IRS1: variants seen among roughly 807,000 people sequenced by gnomAD.
IRS1 encodes the protein insulin receptor substrate 1.
IRS1 carries 34 observed loss-of-function variants against 65.6 expected under a neutral mutation model. The ratio of observed to expected loss-of-function variants is 0.52; its 90% CI spans 0.39 to 0.69. The LOEUF (loss-of-function observed/expected upper bound fraction) is 0.69, where lower values mean the gene tolerates loss of function less well. Ranked by LOEUF, IRS1 falls within the 30% of genes least tolerant of loss-of-function variation. The pLI, the probability that IRS1 is intolerant of heterozygous loss-of-function variation, is 0.00. For missense variants in IRS1, 1,641 were observed against 1,720.2 expected (o/e 0.95, Z 0.81); for synonymous variants, 699 against 683.5 (o/e 1.02, Z -0.35).
intron 1 of IRS1, among the ~76,000 whole-genome samples, chr2:226,778,717 C>A (rs1297867433): frequency 6.6e-6 from 1 of 152,202 alleles, no homozygotes; most frequent in Admixed American, 6.5e-5. Context: ...ATGCCCAGTA[C>A]ACATAGGTGG....
In IRS1 at chr2:226,797,289, T is replaced by G; in HGVS notation, c.1450A>C (p.Ile484Leu). Residue 484 changes from isoleucine (I) to leucine (L), a missense_variant, in exon 1 of 2, where the codon ATT becomes CTT. Transcript: ENST00000305123. The surrounding 1 kb of genome is among the most constrained non-coding windows in gnomAD (Gnocchi z 8.1). ...TGGCCATTGCCACCCCGAGACAAAA[T>G]GTAGTGACCGTTGGGGGCGGTCAGG... ...STLTAPNGHY[I>L]LSRGGNGHRC... 1.2e-6 allele frequency: 2 copies of G among 1,613,078 alleles called. No homozygotes were observed. Among genetic ancestry groups the G allele is most frequent in the Non-Finnish European group, 1.7e-6 (2 of 1,179,864 alleles).
At chr2:226,780,196 G>T (rs1161791830) in intron 1 of IRS1, among the ~76,000 whole-genome samples, 4 of 152,056 alleles carry the variant, frequency 2.6e-5, no homozygotes, top group Admixed American at 6.5e-5. Flanking sequence ...TTCAAGACCA[G>T]CCTGGCCAAC....
In IRS1 at chr2:226,745,339, C is replaced by T. The variant is rs765113754; in HGVS notation, c.*22-9089G>A. On this transcript the variant is annotated intron_variant, in intron 1 of 1. Transcript: ENST00000305123. ...GAGTGACAAGTGAGTAACCTGTATG[C>T]GATTTTGAATTAAAAAATGTACTTT... is the stretch of plus-strand genomic sequence containing the variant. Among the ~76,000 whole-genome samples, 5 of 151,972 alleles carry T rather than the reference C, an allele frequency of 3.3e-5. No homozygotes were observed. In the South Asian group the frequency reaches 6.2e-4, roughly 19 times the overall value.
rs61734194 is a variant in IRS1 at position 226,798,607 on chromosome 2, G to C, written c.132C>G (p.Leu44=). 7.4e-6 allele frequency: 12 copies of C among 1,613,256 alleles called. No homozygotes were observed. In the East Asian group the frequency reaches 2.5e-4, roughly 33 times the overall value. ...AASEAGGPAR[L]EYYENEKKWR... is the part of the protein sequence containing the mutation. ...ACTTCTTCTCGTTCTCGTAGTACTC[G>C]AGGCGCGCCGGGCCCCCAGCCTCGC... Residue 44 remains leucine (L), a synonymous_variant, in exon 1 of 2, where the codon CTC becomes CTG. Transcript: ENST00000305123. This position sits in a 1 kb window ranked among gnomAD's most constrained non-coding sequence, Gnocchi z 9.4.
At chr2:226,778,481 A>G (rs536370218) in intron 1 of IRS1, among the ~76,000 whole-genome samples, 5 of 152,224 alleles carry the variant, frequency 3.3e-5, no homozygotes, top group Non-Finnish European at 7.3e-5. Context: ...AGCTTTTTAC[A>G]TAAGAGCAGT....
chr2:226,759,396 G>A (rs986995790), intron 1 of IRS1, among the ~76,000 whole-genome samples: 16 of 152,224 alleles, frequency 1.1e-4, no homozygotes, highest in Non-Finnish European at 1.8e-4. Flanking sequence ...TCTTGAGCCT[G>A]AAGTTTTCAA....
chr2:226,761,469 G>GA (rs1223140994), intron 1 of IRS1, among the ~76,000 whole-genome samples: 6 of 151,644 alleles, frequency 4.0e-5, no homozygotes, highest in Non-Finnish European at 8.8e-5. Flanking sequence ...CTATCCCAGG[G>GA]AAAAAAAGTA....
At chr2:226,764,493 T>G (rs906640708) in intron 1 of IRS1, among the ~76,000 whole-genome samples, 3 of 152,122 alleles carry the variant, frequency 2.0e-5, no homozygotes, top group African/African-American at 2.4e-5. Flanking sequence ...CAGGGAGCCA[T>G]GATCACTTTA....
intron 1 of IRS1, among the ~76,000 whole-genome samples, chr2:226,781,498 C>T (rs1479147430): frequency 1.3e-5 from 2 of 152,086 alleles, no homozygotes; most frequent in South Asian, 2.1e-4. Flanking sequence ...TGAATTAGAT[C>T]GAATTGGGTG....
chr2:226,740,451 A>G (rs939904198), intron 1 of IRS1, among the ~76,000 whole-genome samples: 1 of 152,150 alleles, frequency 6.6e-6, no homozygotes, highest in East Asian at 1.9e-4. Flanking sequence ...TCTGGGTTCT[A>G]CCCACTTAAA....
chr2:226,768,542 T>A (rs1218711380), intron 1 of IRS1, among the ~76,000 whole-genome samples: 2 of 152,212 alleles, frequency 1.3e-5, no homozygotes, highest in Non-Finnish European at 2.9e-5. Flanking sequence ...AAAATTTGAA[T>A]GTTTGTGTGC....
chr2:226,747,655 A>G (rs1938574975), intron 1 of IRS1, among the ~76,000 whole-genome samples: 1 of 152,210 alleles, frequency 6.6e-6, no homozygotes, highest in Non-Finnish European at 1.5e-5. Context: ...GGTCACCTTC[A>G]GACCCATGGA....
At chr2:226,742,093 T>C (rs1289053312) in intron 1 of IRS1, among the ~76,000 whole-genome samples, 6 of 152,184 alleles carry the variant, frequency 3.9e-5, no homozygotes, top group Admixed American at 3.9e-4. Flanking sequence ...TATGGTCATA[T>C]TGCTGATACA....
At chr2:226,759,927 C>A (rs1938880697) in intron 1 of IRS1, among the ~76,000 whole-genome samples, 2 of 152,178 alleles carry the variant, frequency 1.3e-5, no homozygotes, top group African/African-American at 2.4e-5. Flanking sequence ...GTAATCCCAA[C>A]GTTTTGGGAG....
rs774134319 is a variant in IRS1 at position 226,734,078 on chromosome 2, A to G, written c.*2194T>C. 6.6e-6 allele frequency: 1 copy of G among 152,112 alleles called. No homozygotes were observed. The highest frequency in any genetic ancestry group is 1.5e-5 in the Non-Finnish European group (1 of 68,008). 9.4% of individuals were successfully genotyped at this position (152,112 alleles called of 1,614,324 possible). On this transcript the variant is annotated 3_prime_UTR_variant, in exon 2 of 2. Transcript: ENST00000305123. ...TGGTTGGGAGTGACTTTGTTCATTG[A>G]TTTCTCTTTAACTATTTCAGTCCTC... is the stretch of plus-strand genomic sequence containing the variant.
chr2:226,766,155 A>ATTTTTTTTT (rs1247603503), intron 1 of IRS1, among the ~76,000 whole-genome samples: 3 of 5,510 alleles, frequency 5.4e-4, no homozygotes, highest in Non-Finnish European at 1.2e-3. Context: ...ATATATATAT[A>ATTTTTTTTT]TATATATATT....
chr2:226,796,375 G>A lies in IRS1; in HGVS notation c.2364C>T (p.His788=), dbSNP rs1465696149. The change falls in exon 1 of 2, where the codon CAC becomes CAT. Residue 788 remains histidine, a synonymous_variant. Transcript: ENST00000305123. ...GEPEEGARHQ[H]LRLSTSSGRL... Reference sequence around the variant, plus strand: ...GACCAGAGCTAGTGGAAAGGCGGAGGTGCTGATGCCGGGCACCCTCCTCCG... The same window carrying A: ...GACCAGAGCTAGTGGAAAGGCGGAGATGCTGATGCCGGGCACCCTCCTCCG... 3.1e-6 allele frequency: 5 copies of A among 1,613,406 alleles called. 1 individual carries two copies. In the Middle Eastern group the frequency reaches 6.6e-4, roughly 213 times the overall value.
chr2:226,751,869 A>G (rs1938691816), intron 1 of IRS1, among the ~76,000 whole-genome samples: 1 of 152,138 alleles, frequency 6.6e-6, no homozygotes, highest in Non-Finnish European at 1.5e-5. Flanking sequence ...GTTTTACCAA[A>G]TAAACCACAA....
Position 226,798,638 on chromosome 2 carries a change from G to A in IRS1, c.101C>T (p.Ala34Val), listed in dbSNP as rs2106188028. The change falls in exon 1 of 2, where the codon GCG (alanine) becomes GTG (valine). Residue 34 changes from alanine (A) to valine (V), a missense_variant. Around this residue, in one of 3 missense-constraint regions of IRS1, gnomAD observed 240 missense variants for 229.6 expected, o/e 1.05. Coordinates refer to ENST00000305123, the MANE Select transcript of IRS1 (RefSeq NM_005544.3). This position sits in a 1 kb window ranked among gnomAD's most constrained non-coding sequence, Gnocchi z 9.4. ...CGCCGGGCCCCCAGCCTCGCTGGCCGCGCGCAGTACGAAGAAGCGTTTGTG... is the reference window on the plus strand; with the variant it reads ...CGCCGGGCCCCCAGCCTCGCTGGCCACGCGCAGTACGAAGAAGCGTTTGTG... ...SMHKRFFVLR[A>V]ASEAGGPARL... 3.1e-6 allele frequency: 5 copies of A among 1,613,058 alleles called. No homozygotes were observed. The highest frequency in any genetic ancestry group is 4.2e-6 in the Non-Finnish European group (5 of 1,179,572).
Sources: allele counts gnomAD v4.1 joint callset (sites outside exome capture counted in the v4.1 genomes callset), GRCh38; gene constraint gnomAD v4.1.1; regional missense constraint gnomAD v4.1.1; non-coding constraint Gnocchi (gnomAD v3.1); transcripts MANE v1.5; gene names NCBI Gene and HGNC (gene_info 2026-07-23, HGNC 2026-07-21).